CAPRIN2: variants seen among roughly 807,000 people sequenced by gnomAD.
The protein encoded by CAPRIN2 is caprin-2.
CAPRIN2 carries 66 observed loss-of-function variants against 130.4 expected under a neutral mutation model. The ratio of observed to expected loss-of-function variants is 0.51; its 90% CI spans 0.42 to 0.62. CAPRIN2 has a LOEUF of 0.62. Ranked by LOEUF, CAPRIN2 falls within the 20% of genes least tolerant of loss-of-function variation. CAPRIN2 has a pLI of 0.00. For synonymous variants in CAPRIN2, 471 were observed against 444.1 expected, an observed-to-expected ratio of 1.06 and a Z score of -0.76; for missense variants, 1,185 against 1,246.6, an observed-to-expected ratio of 0.95 and a Z score of 0.74.
Position 30,710,338 on chromosome 12 carries a change from G to A in CAPRIN2, c.2798C>T (p.Thr933Ile), listed in dbSNP as rs1465146378. The change falls in exon 17 of 17, where the codon ACC becomes ATC. Residue 933 changes from threonine to isoleucine, a missense_variant. Physicochemically the swap from Thr to Ile is moderately conservative, Grantham distance 89 (BLOSUM62 -1). Around this residue, in one of 2 missense-constraint regions of CAPRIN2, gnomAD observed 1,104 missense variants for 1,104.3 expected, o/e 1.00. Coordinates refer to ENST00000298892, the Ensembl canonical transcript of CAPRIN2. This position sits in a 1 kb window ranked among gnomAD's most constrained non-coding sequence, Gnocchi z 4.8. ...AGGGTAGACGTGTACTGGCAGTATG[G>A]TGGCTGCTGGATTTGTCACTGGCAC... 1 of 1,614,166 alleles carries A rather than the reference G, an allele frequency of 6.2e-7. No individual in the cohort carries two copies. The highest frequency in any genetic ancestry group is 1.1e-5 in the South Asian group (1 of 91,086).
exon 1 of CAPRIN2, chr12:30,754,437 AC>A (rs2075358602): frequency 6.6e-6 from 1 of 151,486 alleles, no homozygotes; most frequent in Non-Finnish European, 1.5e-5. Flanking sequence ...GCCAGCGCGC[AC>A]CCCCTCAAGT....
At chr12:30,730,116 T>C (rs2062141270) in intron 7 of CAPRIN2, 123 bp downstream of exon 8, 2 of 725,094 alleles carry the variant, frequency 2.8e-6, no homozygotes, top group Admixed American at 5.1e-5. Flanking sequence ...GTCCCTAAGC[T>C]AGTAAACTGC....
At chr12:30,718,067 G>A (rs777332263) in intron 12 of CAPRIN2, among the ~76,000 whole-genome samples, 15 of 152,176 alleles carry the variant, frequency 9.9e-5, no homozygotes, top group Admixed American at 8.5e-4. Flanking sequence ...AGATTGGCAT[G>A]AGCAAAAGGT....
At chr12:30,730,272 C>T (rs556262860) in exon 7 of CAPRIN2, 35 of 1,608,752 alleles carry the variant, frequency 2.2e-5, no homozygotes, top group Non-Finnish European at 3.0e-5. Context: ...GGGCAAATTC[C>T]ATTAGAGACT....
At chr12:30,733,791 C>A in intron 4 of CAPRIN2, 80 bp from the exon 6 acceptor site, 1 of 889,358 alleles carries the variant, frequency 1.1e-6, no homozygotes, top group Non-Finnish European at 1.9e-6. Flanking sequence ...TGCAATATAA[C>A]CCATTAACAG....
At chr12:30,749,203 GGCTAGGGTA>G (rs767334391) in intron 2 of CAPRIN2, among the ~76,000 whole-genome samples, 12 of 152,158 alleles carry the variant, frequency 7.9e-5, no homozygotes, top group Non-Finnish European at 1.5e-4. Flanking sequence ...GCAGCAAGGA[GGCTAGGGTA>G]GCTAGAATGG....
At chr12:30,732,189 G>GA (rs1466330678) in intron 5 of CAPRIN2, among the ~76,000 whole-genome samples, 2 of 151,906 alleles carry the variant, frequency 1.3e-5, no homozygotes, top group African/African-American at 2.4e-5. Context: ...TGATGATCAA[G>GA]AAAAACCTTA....
chr12:30,735,779 A>G (rs531705032), intron 3 of CAPRIN2, among the ~76,000 whole-genome samples: 1 of 152,316 alleles, frequency 6.6e-6, no homozygotes, highest in South Asian at 2.1e-4. Context: ...TTGCCCTGTC[A>G]GTCTGGACAG....
exon 6 of CAPRIN2, chr12:30,731,414 A>G: frequency 6.2e-7 from 1 of 1,613,084 alleles, no homozygotes; most frequent in Non-Finnish European, 8.5e-7. Flanking sequence ...TTCTTCCTCC[A>G]GTGGTACTTC....
rs767455191 is a variant in CAPRIN2, at chr12:30,720,866, G to A, written c.2093C>T (p.Thr698Ile). 4 of 1,613,816 alleles carry A rather than the reference G, an allele frequency of 2.5e-6. No homozygotes were observed. In the Admixed American group the frequency reaches 5.0e-5, roughly 20 times the overall value. Residue 698 changes from threonine to isoleucine, a missense_variant, in exon 12 of 17, where the codon ACC (threonine) becomes ATC (isoleucine). This residue lies in a region of CAPRIN2 where 1,104 missense variants were observed against 1,104.3 expected (regional missense o/e 1.00). Transcript: ENST00000298892. ...TTCAGATCCAGAAGAAGCCTGATCGGTAGTAACCAAGCAAGCATTTGAGCT... is the reference window on the plus strand; with the variant it reads ...TTCAGATCCAGAAGAAGCCTGATCGATAGTAACCAAGCAAGCATTTGAGCT...
chr12:30,750,979 G>T, intron 2 of CAPRIN2, 92 bp downstream of exon 3: 1 of 890,268 alleles, frequency 1.1e-6, no homozygotes, highest in Non-Finnish European at 1.9e-6. Context: ...CTGTGTGTGT[G>T]TGTGCTATAA....
At chr12:30,753,493 G>T in exon 1 of CAPRIN2, 2 of 1,614,192 alleles carry the variant, frequency 1.2e-6, no homozygotes, top group East Asian at 4.5e-5. Context: ...TGCTGACTGT[G>T]GTTCACTTGG....
At chr12:30,753,304 T>C in intron 1 of CAPRIN2, 40 bp downstream of exon 2, 1 of 1,507,602 alleles carries the variant, frequency 6.6e-7, no homozygotes, top group Non-Finnish European at 9.0e-7. Context: ...CCTTAATCTT[T>C]AAGATCATGC....
rs548746718 is a variant in CAPRIN2, at chr12:30,734,789, A to G, written c.809+179T>C. 1.8e-3 allele frequency among the ~76,000 whole-genome samples: 273 copies of G among 152,002 alleles called. 1 individual carries two copies. The highest frequency in any genetic ancestry group is 3.2e-3 in the Non-Finnish European group (217 of 67,958). ...TGTCAACCCTGTCAGACTCTGGGCC[A>G]GCCAAGGTTTCCATATTGAATCAAA... On this transcript the variant is annotated intron_variant, in intron 4 of 16. Coordinates refer to ENST00000298892, the Ensembl canonical transcript of CAPRIN2.
Position 30,728,777 on chromosome 12 carries a change from A to AT in CAPRIN2, c.1652dup (p.Asn551LysfsTer3), listed in dbSNP as rs759444768. 3.1e-6 allele frequency: 5 copies of AT among 1,614,030 alleles called. No individual in the cohort carries two copies. In the Admixed American group the frequency reaches 8.3e-5, roughly 27 times the overall value. ...TTAAAGAGTGTTTTTGACTCTCAACATTGTTTTCCCAGGATTTTGGAGTCT... is the reference window on the plus strand; with the variant it reads ...TTAAAGAGTGTTTTTGACTCTCAACATTTGTTTTCCCAGGATTTTGGAGTCT... On this transcript the variant is annotated frameshift_variant, in exon 8 of 17. Coordinates refer to ENST00000298892, the Ensembl canonical transcript of CAPRIN2. LOFTEE classifies it high-confidence loss of function.
At chr12:30,730,799 T>C (rs2062428986) in intron 6 of CAPRIN2, among the ~76,000 whole-genome samples, 1 of 152,226 alleles carries the variant, frequency 6.6e-6, no homozygotes, top group Admixed American at 6.5e-5. Flanking sequence ...GAACCCTGCC[T>C]GGACTACCTC....
At chr12:30,730,627 T>C (rs2062364339) in intron 6 of CAPRIN2, among the ~76,000 whole-genome samples, 1 of 152,148 alleles carries the variant, frequency 6.6e-6, no homozygotes, top group Admixed American at 6.6e-5. Flanking sequence ...GGGGTAAAAA[T>C]TGGTCATCTC....
chr12:30,752,732 G>C (rs1044125382), intron 1 of CAPRIN2, among the ~76,000 whole-genome samples: 1 of 151,852 alleles, frequency 6.6e-6, no homozygotes, highest in African/African-American at 2.4e-5. Context: ...AAGCAGAAGA[G>C]AAACGTAATA....
chr12:30,738,577 G>C (rs1006148896), intron 3 of CAPRIN2, among the ~76,000 whole-genome samples: 5 of 152,052 alleles, frequency 3.3e-5, no homozygotes, highest in African/African-American at 1.2e-4. Context: ...TAAACTTAAG[G>C]GCTTTTATGC....
Sources: gnomAD v4.1 joint callset for allele counts (sites outside exome capture counted in the v4.1 genomes callset) on GRCh38, gnomAD v4.1.1 for gene constraint, gnomAD v4.1.1 regional missense constraint, Gnocchi (gnomAD v3.1) non-coding constraint, MANE v1.5 for transcripts, NCBI Gene and HGNC (gene_info 2026-07-23, HGNC 2026-07-21) for gene names.